The following MEAK7 variants were observed in gnomAD, a reference collection of about 807,000 sequenced individuals.
MEAK7 encodes MTOR associated protein MEAK7, also known as MTOR-associated protein MEAK7.
Under a neutral mutation model 40.5 loss-of-function variants are expected in MEAK7, and 68 were observed. That is an observed-to-expected ratio of 1.68 (90% CI 1.38 to 2.06). MEAK7 has a LOEUF of 2.06. MEAK7 is among the 30% of genes most tolerant of loss of function. MEAK7 has a pLI of 0.00. For missense variants in MEAK7, 918 were observed against 580.5 expected (o/e 1.58, Z -5.98); for synonymous variants, 338 against 231.9 (o/e 1.46, Z -4.16).
Position 84,494,935 on chromosome 16 carries a change from C to CCTTTGTT in MEAK7, c.384+741_384+747dup, listed in dbSNP as rs2150642013. On this transcript the variant is annotated intron_variant, in intron 3 of 7. Transcript: ENST00000343629. ...TGAGTCTTGCAAGAAACTGCCTTTC[C>CCTTTGTT]CTTTGTTCCTAAGCAGACAGCTACA... 1.2e-5 allele frequency: 5 copies of CCTTTGTT among 411,738 alleles called. No individual in the cohort carries two copies. The East Asian group carries it at 3.6e-4, about 29-fold the overall frequency. The allele number at this position is 411,738 out of a possible 1,614,324, so 25.5% of individuals were successfully genotyped here.
rs201428476 is a variant in MEAK7, at chr16:84,498,015, A to C, written c.72T>G (p.Ile24Met). 251 of 1,614,084 alleles carry C rather than the reference A, an allele frequency of 1.6e-4. No homozygotes were observed. The highest frequency in any genetic ancestry group is 1.8e-4 in the Non-Finnish European group (218 of 1,180,046). Residue 24 changes from isoleucine to methionine, a missense_variant, in exon 2 of 8, where the codon ATT (isoleucine) becomes ATG (methionine). Ile to Met is a conservative substitution (Grantham distance 10). Coordinates refer to ENST00000343629, the MANE Select transcript of MEAK7 (RefSeq NM_020947.4). Reference protein sequence around the residue: ...SQFLPEEQAEIDQLFDALSSD... With the variant: ...SQFLPEEQAEMDQLFDALSSD... ...ATGACAGAGCATCAAACAATTGATC[A>C]ATCTCTGCCTGTTCCTCAGGAAGAA...
intron 3 of MEAK7, among the ~76,000 whole-genome samples, chr16:84,490,443 C>CTTTTTTTTTTT (rs770073812): frequency 1.1e-5 from 1 of 93,876 alleles, no homozygotes; most frequent in African/African-American, 5.4e-5. Context: ...TCTGCCCCGC[C>CTTTTTTTTTTT]TTTTTTTTTT....
intron 4 of MEAK7, among the ~76,000 whole-genome samples, chr16:84,488,681 G>A (rs1356830162): frequency 1.3e-5 from 2 of 152,090 alleles, no homozygotes; most frequent in Non-Finnish European, 2.9e-5. Flanking sequence ...ATAACACACT[G>A]TTACATAGCC....
chr16:84,482,523 G>GCCT, intron 6 of MEAK7, 69 bp downstream of exon 6: 1 of 1,611,308 alleles, frequency 6.2e-7, no homozygotes, highest in Admixed American at 1.7e-5. Flanking sequence ...GTGGAGCTGA[G>GCCT]CCTCGGGGTT....
intron 3 of MEAK7, among the ~76,000 whole-genome samples, chr16:84,495,393 C>T (rs1395642487): frequency 1.3e-5 from 2 of 152,210 alleles, no homozygotes; most frequent in African/African-American, 4.8e-5. Flanking sequence ...CTGCTCCCTT[C>T]CTCTTAACAA....
At chr16:84,501,348 G>C (rs962887972) in intron 1 of MEAK7, among the ~76,000 whole-genome samples, 12 of 151,990 alleles carry the variant, frequency 7.9e-5, no homozygotes, top group African/African-American at 2.7e-4. Flanking sequence ...GGGCAGCAGA[G>C]GGCTGCAGCA....
intron 1 of MEAK7, chr16:84,502,843 C>G (rs915919142): frequency 6.6e-6 from 1 of 152,202 alleles, no homozygotes; most frequent in Non-Finnish European, 1.5e-5. Context: ...GCACTCCAGC[C>G]TGGGTGACAG....
intron 4 of MEAK7, 43 bp downstream of exon 4, chr16:84,489,235 T>C: frequency 1.9e-6 from 3 of 1,604,318 alleles, no homozygotes; most frequent in Non-Finnish European, 2.6e-6. Flanking sequence ...CAGGTACCGC[T>C]CTACAGCAAA....
chr16:84,504,247 C>A, intron 1 of MEAK7: 2 of 736,808 alleles, frequency 2.7e-6, no homozygotes, highest in East Asian at 1.3e-4. Flanking sequence ...CGTGGAGGCA[C>A]CCCTCCCTTT....
chr16:84,483,035 C>T (rs1459224097), intron 5 of MEAK7, among the ~76,000 whole-genome samples: 2 of 152,208 alleles, frequency 1.3e-5, no homozygotes, highest in East Asian at 3.9e-4. Context: ...GAGCAGGCTT[C>T]CTTTAGCTTA....
At chr16:84,494,728 T>G (rs749514637) in intron 3 of MEAK7, 1 of 425,106 alleles carries the variant, frequency 2.4e-6, no homozygotes, top group South Asian at 1.7e-5. Flanking sequence ...TGAGCTTACC[T>G]AAAAACATAT....
rs1476352129 is a variant in MEAK7 at position 84,495,669 on chromosome 16, C to T, written c.384+14G>A. 1.8e-5 allele frequency: 29 copies of T among 1,612,946 alleles called. No homozygotes were observed. Among genetic ancestry groups the T allele is most frequent in the Admixed American group, 1.0e-4 (6 of 59,998 alleles). On this transcript the variant is annotated intron_variant, in intron 3 of 7. Transcript: ENST00000343629. ...CTGCTGAGGAGGCTGCAAAGGACCTCGCGGCCTCACTACCTTTTGGACTTC... is the reference window on the plus strand; with the variant it reads ...CTGCTGAGGAGGCTGCAAAGGACCTTGCGGCCTCACTACCTTTTGGACTTC...
chr16:84,486,985 T>A lies in MEAK7; in HGVS notation c.604A>T (p.Arg202Trp), dbSNP rs1204091672. The A allele has an allele frequency of 6.2e-7, 1 of 1,614,160 alleles. No individual in the cohort carries two copies. The highest frequency in any genetic ancestry group is 1.1e-5 in the South Asian group (1 of 91,078). Residue 202 changes from arginine to tryptophan, a missense_variant, in exon 5 of 8, where the codon AGG (arginine) becomes TGG (tryptophan). Transcript: ENST00000343629. ...DRAVIEDWVFRVPHVAIFLSV... is the reference protein window; with the variant it reads ...DRAVIEDWVFWVPHVAIFLSV... ...AGGAATATGGCCACATGGGGGACCC[T>A]GAACACCCAGTCCTCGATCACAGCT...
intron 1 of MEAK7, among the ~76,000 whole-genome samples, chr16:84,500,512 T>A (rs1322680146): frequency 6.6e-6 from 1 of 152,190 alleles, no homozygotes; most frequent in Non-Finnish European, 1.5e-5. Flanking sequence ...CAGGCCTCAC[T>A]GCTAATGTGC....
rs1449801000 is a variant in MEAK7, at chr16:84,503,485, T to TC, written c.-26+1115dup. Among the ~76,000 whole-genome samples, 7 of 152,312 alleles carry TC rather than the reference T, an allele frequency of 4.6e-5. No individual in the cohort carries two copies. The East Asian group carries it at 9.6e-4, about 21-fold the overall frequency. On this transcript the variant is annotated intron_variant, in intron 1 of 7. Coordinates refer to ENST00000343629, the MANE Select transcript of MEAK7 (RefSeq NM_020947.4). ...TAATCAGAGTTGAGCCCAATCTCTC[T>TC]CCTTTACTACAAAATCCCATTGCTG... is the stretch of plus-strand genomic sequence containing the variant.
chr16:84,502,279 C>A (rs1597976843), intron 1 of MEAK7, among the ~76,000 whole-genome samples: 1 of 152,200 alleles, frequency 6.6e-6, no homozygotes, highest in East Asian at 1.9e-4. Context: ...TGTGTGGTTG[C>A]CACAACTGGG....
rs992030114 is a variant in MEAK7 at position 84,486,815 on chromosome 16, C to A, written c.774G>T (p.Leu258=). The stretch of plus-strand genomic sequence containing the variant: ...ACCAGCGGTGCCGCTGCTCCCGAGG[C>A]AGCTGGGCGTTGATGTACATGACAG... ...VLSVMYINAQ[L]PREQRHRWCL... is the part of the protein sequence containing the mutation. The change falls in exon 5 of 8, where the codon CTG becomes CTT. Residue 258 remains leucine (L), a synonymous_variant. Coordinates refer to ENST00000343629, the MANE Select transcript of MEAK7 (RefSeq NM_020947.4). 1.9e-6 allele frequency: 3 copies of A among 1,613,912 alleles called. No individual in the cohort carries two copies. Among genetic ancestry groups the A allele is most frequent in the Non-Finnish European group, 2.5e-6 (3 of 1,179,914 alleles).
In MEAK7 at chr16:84,495,713, T is replaced by C. The variant is rs989294595; in HGVS notation, c.354A>G (p.Glu118=). ...GGACTTCTCTGGCCTTCACGGGACC[T>C]TCTGTGGCAGAAATCATTTTCATAA... ...LMIMKMISAT[E]GPVKAREVQK... The change falls in exon 3 of 8, where the codon GAA becomes GAG. Residue 118 remains glutamate, a synonymous_variant. Transcript: ENST00000343629. 1 of 1,614,150 alleles carries C rather than the reference T, an allele frequency of 6.2e-7. No individual in the cohort carries two copies. The highest frequency in any genetic ancestry group is 2.2e-5 in the East Asian group (1 of 44,880).
chr16:84,477,884 T>C lies in MEAK7; in HGVS notation c.*2029A>G, dbSNP rs1912185208. 6.6e-6 allele frequency: 1 copy of C among 152,012 alleles called. No homozygotes were observed. The highest frequency in any genetic ancestry group is 1.5e-5 in the Non-Finnish European group (1 of 68,044). 9.4% of individuals were successfully genotyped at this position (152,012 alleles called of 1,614,324 possible). ...CTCCCAAGCCCGGGCCAGTGACCTT[T>C]CTCTAAGTGCACTGCCTGGAAGCAG... is the stretch of plus-strand genomic sequence containing the variant. On this transcript the variant is annotated 3_prime_UTR_variant, in exon 8 of 8. Coordinates refer to ENST00000343629, the MANE Select transcript of MEAK7 (RefSeq NM_020947.4).
Sources: gnomAD v4.1 joint callset for allele counts (sites outside exome capture counted in the v4.1 genomes callset) on GRCh38, gnomAD v4.1.1 for gene constraint, MANE v1.5 for transcripts, NCBI Gene and HGNC (gene_info 2026-07-23, HGNC 2026-07-21) for gene names.